The following RYR3 variants were observed in gnomAD, a reference collection of about 807,000 sequenced individuals.
RYR3 encodes brain ryanodine receptor-calcium release channel.
In RYR3, 207 loss-of-function variants were observed where a neutral mutation model predicts 584.3. The ratio of observed to expected loss-of-function variants is 0.35; its 90% CI spans 0.32 to 0.40. RYR3 has a LOEUF of 0.40. Among genes scored for constraint, RYR3 ranks in the 10% least tolerant of loss-of-function variants. RYR3 has a pLI of 1.00. For synonymous variants in RYR3, 2,416 were observed against 2,248.5 expected (o/e 1.07, Z -2.11); for missense variants, 5,616 against 6,089.2 (o/e 0.92, Z 2.59).
At chr15:33,321,930 C>G (rs1228507356) in intron 1 of RYR3, among the ~76,000 whole-genome samples, 1 of 152,158 alleles carries the variant, frequency 6.6e-6, no homozygotes, top group African/African-American at 2.4e-5. Flanking sequence ...ATAACTAATT[C>G]ACAGAGAAGG....
At chr15:33,793,784 A>G (rs1294206762) in intron 67 of RYR3, among the ~76,000 whole-genome samples, 3 of 151,658 alleles carry the variant, frequency 2.0e-5, no homozygotes, top group African/African-American at 4.8e-5. Flanking sequence ...TGGGCAAGAA[A>G]TGGGCCTAGA....
chr15:33,496,352 C>A lies in RYR3; in HGVS notation c.172-7279C>A, dbSNP rs147302531. On this transcript the variant is annotated intron_variant, in intron 2 of 103. Coordinates refer to ENST00000634891, the MANE Select transcript of RYR3 (RefSeq NM_001036.6). ...CTACACAATCTGAAATCTAGAGCCA[C>A]GACAGTGAACACCACCCATATTTAT... Among the ~76,000 whole-genome samples, 521 of 152,222 alleles carry A rather than the reference C, an allele frequency of 3.4e-3. 3 individuals are homozygous for A. The highest frequency in any genetic ancestry group is 0.012 in the African/African-American group (494 of 41,524).
chr15:33,557,083 G>A (rs955000032), intron 10 of RYR3, among the ~76,000 whole-genome samples: 1 of 152,118 alleles, frequency 6.6e-6, no homozygotes, highest in African/African-American at 2.4e-5. Context: ...TTCTGTTCAA[G>A]TGAATTATAC....
intron 1 of RYR3, among the ~76,000 whole-genome samples, chr15:33,358,024 G>A (rs1455735615): frequency 1.3e-5 from 2 of 152,168 alleles, no homozygotes; most frequent in African/African-American, 2.4e-5. Context: ...TTTTACCTGA[G>A]CAGCATGTGT....
chr15:33,388,753 G>A (rs1339401238), intron 1 of RYR3, among the ~76,000 whole-genome samples: 1 of 152,054 alleles, frequency 6.6e-6, no homozygotes, highest in East Asian at 1.9e-4. Context: ...GACAGACATG[G>A]CTACAGAACA....
intron 1 of RYR3, among the ~76,000 whole-genome samples, chr15:33,454,078 T>C (rs2047347864): frequency 6.6e-6 from 1 of 152,246 alleles, no homozygotes; most frequent in South Asian, 2.1e-4. Flanking sequence ...GAGGCTATCC[T>C]TCTGGTCTGT....
intron 94 of RYR3, chr15:33,850,960 C>G (rs2079067083): frequency 6.6e-6 from 1 of 152,092 alleles, no homozygotes; most frequent in Non-Finnish European, 1.5e-5. Flanking sequence ...TATATTTTGA[C>G]TATTTTGACT....
chr15:33,388,008 T>C (rs768574997), intron 1 of RYR3, among the ~76,000 whole-genome samples: 7 of 152,200 alleles, frequency 4.6e-5, no homozygotes, highest in Non-Finnish European at 7.3e-5. Flanking sequence ...AGGGAGCCAC[T>C]TAATGTCTAG....
chr15:33,788,574 C>T (rs745942092), intron 67 of RYR3, 116 bp downstream of exon 67: 127 of 1,165,206 alleles, frequency 1.1e-4, no homozygotes, highest in Non-Finnish European at 1.4e-4. Flanking sequence ...AGGCGATAGC[C>T]GCCCCCACCA....
chr15:33,346,498 G>A (rs1464433473), intron 1 of RYR3, among the ~76,000 whole-genome samples: 1 of 152,216 alleles, frequency 6.6e-6, no homozygotes, highest in Non-Finnish European at 1.5e-5. Flanking sequence ...TGGAAGGAGA[G>A]CACAGTGGTT....
chr15:33,732,828 A>G (rs1225359820), intron 48 of RYR3, among the ~76,000 whole-genome samples: 2 of 152,200 alleles, frequency 1.3e-5, no homozygotes, highest in Non-Finnish European at 2.9e-5. Flanking sequence ...CAGATTAGGA[A>G]TCACTGCTGT....
chr15:33,805,114 T>C (rs1372693146), intron 69 of RYR3, among the ~76,000 whole-genome samples: 1 of 152,224 alleles, frequency 6.6e-6, no homozygotes, highest in African/African-American at 2.4e-5. Context: ...TAAATGTAAC[T>C]AAGCTGAGCA....
At chr15:33,855,841 A>G (rs2079602307) in intron 98 of RYR3, 2 of 152,232 alleles carry the variant, frequency 1.3e-5, no homozygotes, top group East Asian at 1.9e-4. Context: ...AGCAACGGCT[A>G]TAACCATATT....
At chr15:33,713,623 T>A (rs749790495) in intron 43 of RYR3, among the ~76,000 whole-genome samples, 7 of 152,116 alleles carry the variant, frequency 4.6e-5, no homozygotes, top group Non-Finnish European at 1.0e-4. Flanking sequence ...TATACGACAA[T>A]CCAATGAGGG....
Position 33,771,951 on chromosome 15 carries a change from A to C in RYR3, c.8848A>C (p.Lys2950Gln). 1 of 1,613,028 alleles carries C rather than the reference A, an allele frequency of 6.2e-7. No homozygotes were observed. The highest frequency in any genetic ancestry group is 8.5e-7 in the Non-Finnish European group (1 of 1,179,530). Residue 2950 changes from lysine (K) to glutamine (Q), a missense_variant, in exon 63 of 104, where the codon AAG becomes CAG. This residue lies in a region of RYR3 where 1,280 missense variants were observed against 1,426.2 expected (regional missense o/e 0.90). Coordinates refer to ENST00000634891, the MANE Select transcript of RYR3 (RefSeq NM_001036.6). ...TVMKSGSELV[K>Q]AGLRAFFENA... ...CATGAAGTCAGGCTCAGAGCTGGTG[A>C]AGGCTGGGTTACGAGCATTCTTTGA...
intron 45 of RYR3, among the ~76,000 whole-genome samples, chr15:33,724,744 T>C (rs947866614): frequency 8.5e-5 from 13 of 152,184 alleles, no homozygotes; most frequent in Non-Finnish European, 1.9e-4. Context: ...CCTTATTTCA[T>C]ATAAGGTCTG....
Position 33,670,400 on chromosome 15 carries a change from C to T in RYR3, c.5723-19C>T, listed in dbSNP as rs529064631. The T allele has an allele frequency of 1.9e-6, 3 of 1,612,534 alleles. No homozygotes were observed. Among genetic ancestry groups the T allele is most frequent in the Non-Finnish European group, 2.5e-6 (3 of 1,179,256 alleles). ...TCATGCACTGCTTTGGATTTTCACC[C>T]TGTTCTGTGGCTTGCTAGGGGTTCC... On this transcript the variant is annotated intron_variant, in intron 37 of 103. Transcript: ENST00000634891.
chr15:33,591,230 T>C (rs1367405927), intron 16 of RYR3, among the ~76,000 whole-genome samples: 2 of 152,216 alleles, frequency 1.3e-5, no homozygotes, highest in African/African-American at 2.4e-5. Flanking sequence ...CGCCACTTCC[T>C]CCATGAATCT....
chr15:33,590,693 A>G (rs2059088675), intron 16 of RYR3, among the ~76,000 whole-genome samples: 1 of 149,626 alleles, frequency 6.7e-6, no homozygotes. Context: ...GCATTTTCAT[A>G]TAATAAGTTA....
Sources: gnomAD v4.1 joint callset for allele counts (sites outside exome capture counted in the v4.1 genomes callset) on GRCh38, gnomAD v4.1.1 for gene constraint, gnomAD v4.1.1 regional missense constraint, MANE v1.5 for transcripts, NCBI Gene and HGNC (gene_info 2026-07-23, HGNC 2026-07-21) for gene names.